The following BBS1 variants were observed in gnomAD, a reference collection of about 807,000 sequenced individuals.
BBS1 encodes the protein Bardet-Biedl syndrome 1, also known as BBSome complex member BBS1.
In BBS1, 60 loss-of-function variants were observed where a neutral mutation model predicts 73.9. The ratio of observed to expected loss-of-function variants is 0.81; its 90% confidence interval spans 0.66 to 1.01. BBS1 has a LOEUF of 1.01. Ranked by LOEUF, BBS1 falls within the 50% of genes least tolerant of loss-of-function variation. The pLI is 0.00. For missense variants in BBS1, 718 were observed against 770.3 expected (o/e 0.93, Z 0.80); for synonymous variants, 283 against 317.4 (o/e 0.89, Z 1.15).
At chr11:66,526,553 G>A in intron 12 of BBS1, 96 bp from the exon 13 acceptor site, 1 of 1,516,482 alleles carries the variant, frequency 6.6e-7, no homozygotes. Context: ...GTGTACAGAA[G>A]CAACTCTATA....
chr11:66,519,819 G>A, intron 8 of BBS1, 71 bp downstream of exon 8: 2 of 1,581,896 alleles, frequency 1.3e-6, no homozygotes, highest in South Asian at 2.2e-5. Flanking sequence ...TCCACAGTTA[G>A]TTCTGGGTAA....
rs534304555 is a variant in BBS1 at position 66,532,137 on chromosome 11, G to A, written c.*100G>A. The A allele has an allele frequency of 2.6e-5, 33 of 1,283,918 alleles. No homozygotes were observed. The highest frequency in any genetic ancestry group is 1.6e-4 in the African/African-American group (11 of 67,348). 79.5% of individuals were successfully genotyped at this position (1,283,918 alleles called of 1,614,324 possible). A position where few individuals can be genotyped will look rare whatever the true frequency, so the allele number is the denominator to read the frequency against. The stretch of plus-strand genomic sequence containing the variant: ...TCCTCATGCAGCAGTGTGCTGGGGC[G>A]ACAGCTCGTCTCCCCTCTCTTAAGC... On this transcript the variant is annotated 3_prime_UTR_variant, in exon 17 of 17. Coordinates refer to ENST00000318312, the MANE Select transcript of BBS1 (RefSeq NM_024649.5).
At chr11:66,516,037 C>T in intron 7 of BBS1, 104 bp downstream of exon 7, 1 of 1,114,520 alleles carries the variant, frequency 9.0e-7, no homozygotes, top group Non-Finnish European at 1.3e-6. Flanking sequence ...CAACCAGTAT[C>T]TCTTTGCTAT....
At position 66,514,676 on chromosome 11, in the gene BBS1, G is replaced by T; in HGVS notation, c.430G>T (p.Glu144Ter). Residue 144 changes from glutamate (E) to a stop codon, truncating the protein, a stop_gained and splice_region_variant, in exon 4 of 17, where the codon GAG (glutamate) becomes TAG (stop). Coordinates refer to ENST00000318312, the MANE Select transcript of BBS1 (RefSeq NM_024649.5). LOFTEE classifies it high-confidence loss of function. ...LEQDLWNQAKEDRIDPLTLKE... is the reference protein window; with the variant it reads ...LEQDLWNQAK ...ACAAGACCTTTGGAACCAGGCCAAAGAGGTAAATAAATAACATGGGAGTTG... is the reference window on the plus strand; with the variant it reads ...ACAAGACCTTTGGAACCAGGCCAAATAGGTAAATAAATAACATGGGAGTTG... The T allele has an allele frequency of 6.2e-7, 1 of 1,611,108 alleles. No individual in the cohort carries two copies. Among genetic ancestry groups the T allele is most frequent in the South Asian group, 1.1e-5 (1 of 91,056 alleles).
At chr11:66,512,372 A>G (rs1177894848) in intron 3 of BBS1, among the ~76,000 whole-genome samples, 1 of 152,138 alleles carries the variant, frequency 6.6e-6, no homozygotes, top group East Asian at 1.9e-4. Flanking sequence ...ACCACAATGG[A>G]TATATCATGT....
At position 66,520,252 on chromosome 11, in the gene BBS1, C is replaced by T. The variant is rs771544232; in HGVS notation, c.723+504C>T. 8.4e-4 allele frequency: 135 copies of T among 160,566 alleles called. 1 individual carries two copies. The highest frequency in any genetic ancestry group is 8.0e-4 in the Non-Finnish European group (58 of 72,576). The allele number at this position is 160,566 out of a possible 1,614,324, so 9.9% of individuals were successfully genotyped here. On this transcript the variant is annotated intron_variant, in intron 8 of 16. Transcript: ENST00000318312. ...GTATATCATCAGTGTCTTTCTATAT[C>T]TATAAAACCACATCAGCCTTTTATT... is the stretch of plus-strand genomic sequence containing the variant.
chr11:66,526,122 G>A lies in BBS1; in HGVS notation c.1111-1G>A, dbSNP rs766464783. On this transcript the variant is annotated splice_acceptor_variant, in intron 11 of 16. Transcript: ENST00000318312. LOFTEE classifies it high-confidence loss of function. ...AACTAAACTCTGACGTCTCCACATAGGATGCAGTGACCAGCCTTTGCTTTG... is the reference window on the plus strand; with the variant it reads ...AACTAAACTCTGACGTCTCCACATAAGATGCAGTGACCAGCCTTTGCTTTG... The A allele has an allele frequency of 1.2e-6, 2 of 1,614,134 alleles. No homozygotes were observed. Among genetic ancestry groups the A allele is most frequent in the Non-Finnish European group, 8.5e-7 (1 of 1,180,010 alleles).
intron 6 of BBS1, 24 bp from the exon 7 acceptor site, chr11:66,515,837 G>T: frequency 6.2e-7 from 1 of 1,614,226 alleles, no homozygotes; most frequent in South Asian, 1.1e-5. Context: ...GGGGCCTGCA[G>T]ATGCCAGTTC....
intron 11 of BBS1, 36 bp from the exon 12 acceptor site, chr11:66,526,087 A>T (rs770156220): frequency 6.2e-7 from 1 of 1,608,990 alleles, no homozygotes; most frequent in Non-Finnish European, 8.5e-7. Context: ...CCTCTCCAAG[A>T]TATTTCCCCA....
At chr11:66,529,563 C>T (rs1043663755) in intron 13 of BBS1, 1 of 697,120 alleles carries the variant, frequency 1.4e-6, no homozygotes, top group East Asian at 2.7e-5. Context: ...TAGGGCCGGA[C>T]AGAGAAGCCA....
At chr11:66,525,486 C>T (rs909466467) in intron 11 of BBS1, among the ~76,000 whole-genome samples, 7 of 152,124 alleles carry the variant, frequency 4.6e-5, no homozygotes, top group Non-Finnish European at 8.8e-5. Flanking sequence ...TCACTTGAAC[C>T]CAGGAGGCAG....
At chr11:66,518,913 G>A (rs988054672) in intron 7 of BBS1, among the ~76,000 whole-genome samples, 30 of 152,078 alleles carry the variant, frequency 2.0e-4, no homozygotes, top group African/African-American at 7.0e-4. Flanking sequence ...GCATGCCATC[G>A]CACCTGGCTG....
At chr11:66,521,400 G>A (rs902672556) in intron 9 of BBS1, 24 bp downstream of exon 9, 12 of 1,588,408 alleles carry the variant, frequency 7.6e-6, no homozygotes, top group Non-Finnish European at 1.0e-5. Flanking sequence ...TGGTCTCCGG[G>A]GCCGGGAGGA....
At position 66,523,757 on chromosome 11, in the gene BBS1, G is replaced by T; in HGVS notation, c.985G>T (p.Ala329Ser). ...KKLWTVQMPA[A>S]ILTMNLLEQH... Reference sequence around the variant, plus strand: ...GCTGTGGACAGTGCAGATGCCCGCAGCCATCCTGACCATGAACCTCCTGGA... The same window carrying T: ...GCTGTGGACAGTGCAGATGCCCGCATCCATCCTGACCATGAACCTCCTGGA... Residue 329 changes from alanine (A) to serine (S), a missense_variant, in exon 11 of 17, where the codon GCC (alanine) becomes TCC (serine). Physicochemically the swap from Ala to Ser is moderately conservative, Grantham distance 99. Coordinates refer to ENST00000318312, the MANE Select transcript of BBS1 (RefSeq NM_024649.5). The T allele has an allele frequency of 6.2e-7, 1 of 1,612,664 alleles. No individual in the cohort carries two copies.
In BBS1 at chr11:66,521,357, A is replaced by G; in HGVS notation, c.811A>G (p.Asn271Asp). The change falls in exon 9 of 17, where the codon AAC becomes GAC. Residue 271 changes from asparagine (N) to aspartate (D), a missense_variant. Coordinates refer to ENST00000318312, the MANE Select transcript of BBS1 (RefSeq NM_024649.5). ...GCTTGCCGCGGCCTGCCGCAATGGA[A>G]ACATCTATATTCTGAGAAGGTAGCC... ...FRLAAACRNG[N>D]IYILRRDSKH... 6.2e-7 allele frequency: 1 copy of G among 1,614,136 alleles called. No homozygotes were observed. Among genetic ancestry groups the G allele is most frequent in the Non-Finnish European group, 8.5e-7 (1 of 1,179,988 alleles).
chr11:66,515,822 A>G (rs1189793529), intron 6 of BBS1, 39 bp from the exon 7 acceptor site: 1 of 1,614,102 alleles, frequency 6.2e-7, no homozygotes. Flanking sequence ...GAGGGCAGCG[A>G]GGCCGGGGCC....
intron 14 of BBS1, among the ~76,000 whole-genome samples, chr11:66,530,180 C>T (rs1856711286): frequency 6.6e-6 from 1 of 152,070 alleles, no homozygotes; most frequent in African/African-American, 2.4e-5. Flanking sequence ...CTGGCCATGC[C>T]GTGGGACACT....
intron 3 of BBS1, 91 bp from the exon 4 acceptor site, chr11:66,514,315 G>A (rs1414963493): frequency 3.0e-5 from 45 of 1,514,756 alleles, no homozygotes; most frequent in Middle Eastern, 2.0e-4. Context: ...GTGCAGGAAT[G>A]AATGAATGTG....
At chr11:66,512,979 A>G (rs1236874461) in intron 3 of BBS1, among the ~76,000 whole-genome samples, 1 of 152,012 alleles carries the variant, frequency 6.6e-6, no homozygotes, top group African/African-American at 2.4e-5. Context: ...CTCAAAAAAA[A>G]AAAGAAATGT....
Sources: allele counts gnomAD v4.1 joint callset (sites outside exome capture counted in the v4.1 genomes callset), GRCh38; gene constraint gnomAD v4.1.1; transcripts MANE v1.5; gene names NCBI Gene and HGNC (gene_info 2026-07-23, HGNC 2026-07-21).